The following DCLRE1A variants were observed in gnomAD, a reference collection of about 807,000 sequenced individuals.
DCLRE1A encodes the protein DNA cross-link repair 1A protein.
A neutral mutation model predicts 91.9 loss-of-function variants in DCLRE1A; 64 were observed. The ratio of observed to expected loss-of-function variants is 0.70; its 90% CI spans 0.57 to 0.86. The LOEUF (loss-of-function observed/expected upper bound fraction) is 0.86. Ranked by LOEUF, DCLRE1A falls within the 40% of genes least tolerant of loss-of-function variation. The pLI is 0.00. For synonymous variants in DCLRE1A, 416 were observed against 431.1 expected (o/e 0.96, Z 0.43); for missense variants, 1,145 against 1,213.3 (o/e 0.94, Z 0.84).
At chr10:113,841,019 T>C (rs190213724) in intron 7 of DCLRE1A, among the ~76,000 whole-genome samples, 3 of 152,354 alleles carry the variant, frequency 2.0e-5, no homozygotes, top group African/African-American at 7.2e-5. Context: ...AAAGGCTTAA[T>C]ATTAATACAG....
In DCLRE1A at chr10:113,847,334, T is replaced by A. The variant is rs371861849; in HGVS notation, c.2127A>T (p.Gly709=). 68 of 1,613,424 alleles carry A rather than the reference T, an allele frequency of 4.2e-5. 1 individual carries two copies. In the African/African-American group the frequency reaches 8.7e-4, roughly 21 times the overall value. ...GAAAGGCATCAACTGTAAAGCCGGT[T>A]CCTGCAATAAAAATACCGACACAGT... ...KTCPFYKKIP[G]TGFTVDAFQY... is the part of the protein sequence containing the mutation. Residue 709 remains glycine (G), a splice_region_variant and synonymous_variant, in exon 3 of 9, where the codon GGA becomes GGT. Transcript: ENST00000361384.
chr10:113,846,054 G>C (rs1845532999), intron 3 of DCLRE1A, among the ~76,000 whole-genome samples: 1 of 152,070 alleles, frequency 6.6e-6, no homozygotes. Context: ...GAGTGATCTG[G>C]TTCCAGCCCA....
In DCLRE1A at chr10:113,848,892, T is replaced by TAC. The variant is rs17228707; in HGVS notation, c.2125+86_2125+87dup. On this transcript the variant is annotated intron_variant, in intron 2 of 8. Transcript: ENST00000361384. ...GAAACACATACAAAAAATTGTCTCA[T>TAC]ACACACACACACACACAATGGGCAA... The TAC allele has an allele frequency of 0.011, 11,867 of 1,115,438 alleles. 367 individuals carry two copies. In the African/African-American group the frequency reaches 0.12, roughly 11 times the overall value. The allele number at this position is 1,115,438 out of a possible 1,614,324, so 69.1% of individuals were successfully genotyped here.
chr10:113,849,720 T>C lies in DCLRE1A; in HGVS notation c.1385A>G (p.Lys462Arg). The change falls in exon 2 of 9, where the codon AAG becomes AGG. Residue 462 changes from lysine to arginine, a missense_variant. Lys to Arg is a conservative substitution (Grantham distance 26). Transcript: ENST00000361384. Reference sequence around the variant, plus strand: ...TTCAAAAGGTTTCAACATTAAACTCTTAACTAACGGAAGAGAAACTTGATT... The same window carrying C: ...TTCAAAAGGTTTCAACATTAAACTCCTAACTAACGGAAGAGAAACTTGATT... ...VYNQVSLPLV[K>R]SLMLKPFESQ... 4 of 1,614,230 alleles carry C rather than the reference T, an allele frequency of 2.5e-6. No individual in the cohort carries two copies. Among genetic ancestry groups the C allele is most frequent in the Non-Finnish European group, 3.4e-6 (4 of 1,180,040 alleles).
At chr10:113,847,585 C>A (rs1845560260) in intron 2 of DCLRE1A, among the ~76,000 whole-genome samples, 1 of 152,084 alleles carries the variant, frequency 6.6e-6, no homozygotes, top group African/African-American at 2.4e-5. Flanking sequence ...TTTTTAAATT[C>A]TAGGTTACAA....
In DCLRE1A at chr10:113,844,129, C is replaced by G. The variant is rs760702345; in HGVS notation, c.2494G>C (p.Val832Leu). 12 of 1,614,056 alleles carry G rather than the reference C, an allele frequency of 7.4e-6. No individual in the cohort carries two copies. The African/African-American group carries it at 1.3e-4, about 18-fold the overall frequency. Reference sequence around the variant, plus strand: ...GTGGTATCTAAGTACAGCATATGGACTTTCTGGTCCGCAAGAAGAGAACGT... The same window carrying G: ...GTGGTATCTAAGTACAGCATATGGAGTTTCTGGTCCGCAAGAAGAGAACGT... ...MERSLLADQK[V>L]HMLYLDTTYC... Residue 832 changes from valine to leucine, a missense_variant, in exon 5 of 9, where the codon GTC (valine) becomes CTC (leucine). Transcript: ENST00000361384.
At chr10:113,837,433 T>G (rs1845380931) in intron 7 of DCLRE1A, among the ~76,000 whole-genome samples, 1 of 152,084 alleles carries the variant, frequency 6.6e-6, no homozygotes. Context: ...GAAAAAAAAG[T>G]ATAGCGAGAC....
In DCLRE1A at chr10:113,849,729, G is replaced by A. The variant is rs142138655; in HGVS notation, c.1376C>T (p.Pro459Leu). Reference protein sequence around the residue: ...ESSVYNQVSLPLVKSLMLKPF... With the variant: ...ESSVYNQVSLLLVKSLMLKPF... ...TTTCAACATTAAACTCTTAACTAAC[G>A]GAAGAGAAACTTGATTGTAAACAGA... is the stretch of plus-strand genomic sequence containing the variant. The change falls in exon 2 of 9, where the codon CCG becomes CTG. Residue 459 changes from proline (P) to leucine (L), a missense_variant. Physicochemically the swap from Pro to Leu is moderately conservative, Grantham distance 98. Coordinates refer to ENST00000361384, the MANE Select transcript of DCLRE1A (RefSeq NM_014881.5). 1,074 of 1,614,038 alleles carry A rather than the reference G, an allele frequency of 6.7e-4. 1 individual carries two copies. Among genetic ancestry groups the A allele is most frequent in the Non-Finnish European group, 8.8e-4 (1,034 of 1,180,006 alleles).
chr10:113,835,368 A>G, intron 8 of DCLRE1A, 56 bp from the exon 9 acceptor site: 1 of 1,487,570 alleles, frequency 6.7e-7, no homozygotes, highest in Non-Finnish European at 9.0e-7. Flanking sequence ...TTAAACTTTC[A>G]CAATCCTAAA....
Position 113,837,130 on chromosome 10 carries a change from G to A in DCLRE1A, c.2894C>T (p.Thr965Ile). 1 of 1,613,358 alleles carries A rather than the reference G, an allele frequency of 6.2e-7. No individual in the cohort carries two copies. The highest frequency in any genetic ancestry group is 8.5e-7 in the Non-Finnish European group (1 of 1,179,572). ...QILAFRPTGW[T>I]HSNKFTRIAD... ...TATTCTAGTGAACTTGTTAGAGTGT[G>A]TCCATCCTGTAGGTCGAAATGCCAA... The change falls in exon 8 of 9, where the codon ACA becomes ATA. Residue 965 changes from threonine (T) to isoleucine (I), a missense_variant. Coordinates refer to ENST00000361384, the MANE Select transcript of DCLRE1A (RefSeq NM_014881.5).
At chr10:113,842,902 T>A (rs537357622) in intron 5 of DCLRE1A, among the ~76,000 whole-genome samples, 1 of 152,220 alleles carries the variant, frequency 6.6e-6, no homozygotes, top group East Asian at 1.9e-4. Flanking sequence ...ATTAAAGTAA[T>A]GAAACTAAAT....
At chr10:113,840,334 T>C (rs927971935) in intron 7 of DCLRE1A, among the ~76,000 whole-genome samples, 1 of 151,358 alleles carries the variant, frequency 6.6e-6, no homozygotes, top group Non-Finnish European at 1.5e-5. Flanking sequence ...TTTGAGTTTG[T>C]AGTAGTGAAA....
chr10:113,835,950 A>T (rs1845355567), intron 8 of DCLRE1A, among the ~76,000 whole-genome samples: 1 of 152,118 alleles, frequency 6.6e-6, no homozygotes, highest in African/African-American at 2.4e-5. Context: ...ATTAAAAAAA[A>T]ATAATAAGAT....
Position 113,852,966 on chromosome 10 carries a change from G to C in DCLRE1A, c.217C>G (p.Gln73Glu), listed in dbSNP as rs1564846938. 6.2e-7 allele frequency: 1 copy of C among 1,614,216 alleles called. No individual in the cohort carries two copies. The highest frequency in any genetic ancestry group is 8.5e-7 in the Non-Finnish European group (1 of 1,180,042). Reference sequence around the variant, plus strand: ...TTCTGACTAGAAGCAACAGAAGTCTGACAACCTGCATTTCCAAGGGGCACT... The same window carrying C: ...TTCTGACTAGAAGCAACAGAAGTCTCACAACCTGCATTTCCAAGGGGCACT... The part of the protein sequence containing the change: ...HEVPLGNAGC[Q>E]TSVASSQNSS... The change falls in exon 1 of 9, where the codon CAG becomes GAG. Residue 73 changes from glutamine (Q) to glutamate (E), a missense_variant. Gln to Glu is a conservative substitution (Grantham distance 29). Transcript: ENST00000361384.
Position 113,850,404 on chromosome 10 carries a change from T to C in DCLRE1A, c.701A>G (p.Tyr234Cys), listed in dbSNP as rs1167980800. ...AGTCAGAGACGGAGACTTTTTAAAA[T>C]ACTGTGTCATCAATAAGGGATCATT... ...VSNDPLLMTQYFKKSPSLTEA... is the reference protein window; with the variant it reads ...VSNDPLLMTQCFKKSPSLTEA... Residue 234 changes from tyrosine (Y) to cysteine (C), a missense_variant, in exon 2 of 9, where the codon TAT becomes TGT. Coordinates refer to ENST00000361384, the MANE Select transcript of DCLRE1A (RefSeq NM_014881.5). 1.2e-6 allele frequency: 2 copies of C among 1,614,124 alleles called. No homozygotes were observed. The highest frequency in any genetic ancestry group is 1.1e-5 in the South Asian group (1 of 91,088).
In DCLRE1A at chr10:113,848,994, T is replaced by A; in HGVS notation, c.2111A>T (p.Tyr704Phe). Residue 704 changes from tyrosine to phenylalanine, a missense_variant, in exon 2 of 9, where the codon TAT becomes TTT. By Grantham distance (22) the Tyr-to-Phe change is conservative. Transcript: ENST00000361384. Reference sequence around the variant, plus strand: ...TTTCAACTTACCAGGTATTTTCTTATAGAATGGACATGTCTTTTTTCTTGA... The same window carrying A: ...TTTCAACTTACCAGGTATTTTCTTAAAGAATGGACATGTCTTTTTTCTTGA... ...GGSRKKTCPF[Y>F]KKIPGTGFTV... 1 of 1,611,178 alleles carries A rather than the reference T, an allele frequency of 6.2e-7. No homozygotes were observed. Among genetic ancestry groups the A allele is most frequent in the Non-Finnish European group, 8.5e-7 (1 of 1,178,966 alleles).
intron 6 of DCLRE1A, 137 bp from the exon 7 acceptor site, chr10:113,841,697 A>C: frequency 3.2e-5 from 26 of 816,218 alleles, no homozygotes; most frequent in Non-Finnish European, 4.8e-5. Context: ...ATGATATCTC[A>C]AAAAGGCTGA....
rs1845591597 is a variant in DCLRE1A at position 113,849,054 on chromosome 10, T to A, written c.2051A>T (p.Asn684Ile). The A allele has an allele frequency of 1.2e-6, 2 of 1,614,060 alleles. No homozygotes were observed. The highest frequency in any genetic ancestry group is 1.7e-6 in the Non-Finnish European group (2 of 1,180,020). The change falls in exon 2 of 9, where the codon AAC becomes ATC. Residue 684 changes from asparagine to isoleucine, a missense_variant. Coordinates refer to ENST00000361384, the MANE Select transcript of DCLRE1A (RefSeq NM_014881.5). Reference sequence around the variant, plus strand: ...ATTAGATGACTCTGGGATTTTCTTGTTGCCCCTTTGCAGCCCACCATGAGC... The same window carrying A: ...ATTAGATGACTCTGGGATTTTCTTGATGCCCCTTTGCAGCCCACCATGAGC... ...KSAHGGLQRGNKKIPESSNVG... is the reference protein window; with the variant it reads ...KSAHGGLQRGIKKIPESSNVG...
chr10:113,836,741 C>T (rs528254845), intron 8 of DCLRE1A, among the ~76,000 whole-genome samples: 9 of 152,248 alleles, frequency 5.9e-5, no homozygotes, highest in East Asian at 1.9e-4. Flanking sequence ...ATCATCTTCC[C>T]GCTCCCAATC....
Sources: gnomAD v4.1 joint callset for allele counts (sites outside exome capture counted in the v4.1 genomes callset) on GRCh38, gnomAD v4.1.1 for gene constraint, MANE v1.5 for transcripts, NCBI Gene and HGNC (gene_info 2026-07-23, HGNC 2026-07-21) for gene names.